Variants in CTNNA3 observed in about 807,000 individuals in gnomAD.
The protein encoded by CTNNA3 is catenin alpha 3, also known as catenin alpha-3.
Under a neutral mutation model 95.7 loss-of-function variants are expected in CTNNA3, and 76 were observed. The ratio of observed to expected loss-of-function variants is 0.79; its 90% CI spans 0.66 to 0.96. The LOEUF is 0.96. Ranked by LOEUF, CTNNA3 falls within the 40% of genes least tolerant of loss-of-function variation. The probability of loss-of-function intolerance (pLI) is 0.00; values close to 1 mark genes in which losing one functional copy is unlikely to be tolerated. For synonymous variants in CTNNA3, 431 were observed against 374.4 expected, an observed-to-expected ratio of 1.15 and a Z score of -1.74; for missense variants, 1,191 against 1,089.8, an observed-to-expected ratio of 1.09 and a Z score of -1.31.
At chr10:67,757,977 C>T (rs992079280) in intron 1 of CTNNA3, among the ~76,000 whole-genome samples, 1 of 152,094 alleles carries the variant, frequency 6.6e-6, no homozygotes, top group Non-Finnish European at 1.5e-5. Flanking sequence ...TAAACATCTG[C>T]ATCAGTAGAC....
intron 5 of CTNNA3, among the ~76,000 whole-genome samples, chr10:67,301,643 A>G (rs947208063): frequency 6.6e-6 from 1 of 152,176 alleles, no homozygotes; most frequent in Non-Finnish European, 1.5e-5. Flanking sequence ...TGGTATATAT[A>G]TATATAAGGA....
intron 7 of CTNNA3, among the ~76,000 whole-genome samples, chr10:67,079,277 A>G (rs778313982): frequency 5.3e-4 from 81 of 152,320 alleles, no homozygotes; most frequent in Middle Eastern, 3.4e-3. Context: ...GAATTTAAGA[A>G]ACTATCATAA....
At chr10:67,487,020 A>G (rs1336582094) in intron 5 of CTNNA3, among the ~76,000 whole-genome samples, 2 of 152,146 alleles carry the variant, frequency 1.3e-5, no homozygotes, top group Admixed American at 6.6e-5. Flanking sequence ...CCAAATGATT[A>G]CCTGGCACCC....
chr10:66,150,185 G>C (rs1266581949), intron 13 of CTNNA3, among the ~76,000 whole-genome samples: 2 of 152,160 alleles, frequency 1.3e-5, no homozygotes, highest in African/African-American at 4.8e-5. Context: ...ATATTTCCTG[G>C]TCTGTTCTCG....
chr10:67,089,057 G>A (rs1453520410), intron 7 of CTNNA3, among the ~76,000 whole-genome samples: 1 of 151,970 alleles, frequency 6.6e-6, no homozygotes, highest in African/African-American at 2.4e-5. Context: ...GAGGATGTGT[G>A]TGGATTAAAT....
chr10:66,870,558 C>T (rs372165975), intron 7 of CTNNA3, among the ~76,000 whole-genome samples: 1 of 152,148 alleles, frequency 6.6e-6, no homozygotes, highest in African/African-American at 2.4e-5. Flanking sequence ...ATGCTGTGAA[C>T]AAATTTCATA....
At chr10:66,567,763 C>T (rs1842757604) in intron 10 of CTNNA3, among the ~76,000 whole-genome samples, 1 of 152,144 alleles carries the variant, frequency 6.6e-6, no homozygotes, top group Admixed American at 6.6e-5. Context: ...AGGTCATTGC[C>T]ACTCAACCAT....
intron 7 of CTNNA3, among the ~76,000 whole-genome samples, chr10:66,789,140 CTATT>C (rs771396817): frequency 6.6e-6 from 1 of 151,456 alleles, no homozygotes. Flanking sequence ...TATTTTTGCT[CTATT>C]TATCTGCTTA....
chr10:67,599,957 A>G (rs1209323061), intron 3 of CTNNA3, among the ~76,000 whole-genome samples: 1 of 152,160 alleles, frequency 6.6e-6, no homozygotes, highest in African/African-American at 2.4e-5. Flanking sequence ...TATGAGGTAC[A>G]GTAATTAGGA....
chr10:67,502,490 C>T (rs769462693), intron 5 of CTNNA3, among the ~76,000 whole-genome samples: 3 of 152,218 alleles, frequency 2.0e-5, no homozygotes, highest in African/African-American at 2.4e-5. Flanking sequence ...TAGCAGAGCT[C>T]GAGCGCTGTG....
intron 5 of CTNNA3, among the ~76,000 whole-genome samples, chr10:67,248,605 G>C (rs564203483): frequency 2.1e-4 from 32 of 151,758 alleles, no homozygotes; most frequent in Non-Finnish European, 4.3e-4. Flanking sequence ...TTTTTATTTT[G>C]GTAGAGAGAC....
chr10:67,577,722 G>GTA (rs947913686), intron 3 of CTNNA3, among the ~76,000 whole-genome samples: 27 of 146,782 alleles, frequency 1.8e-4, no homozygotes, highest in Middle Eastern at 3.4e-3. Context: ...GTGTGTGTGT[G>GTA]TATATATACT....
chr10:67,123,553 T>A (rs530005653), intron 7 of CTNNA3, among the ~76,000 whole-genome samples: 1 of 151,784 alleles, frequency 6.6e-6, no homozygotes, highest in South Asian at 2.1e-4. Flanking sequence ...GCCAGATATC[T>A]GAACACATTT....
At chr10:66,971,497 T>C (rs1849723255) in intron 7 of CTNNA3, among the ~76,000 whole-genome samples, 1 of 152,150 alleles carries the variant, frequency 6.6e-6, no homozygotes, top group African/African-American at 2.4e-5. Context: ...TAAATCCCAA[T>C]TGTACTCTTT....
At chr10:66,557,151 C>A (rs527470965) in intron 10 of CTNNA3, among the ~76,000 whole-genome samples, 3 of 152,066 alleles carry the variant, frequency 2.0e-5, no homozygotes, top group Admixed American at 2.0e-4. Context: ...CATACATTCT[C>A]TATTTTTTGT....
At chr10:66,648,348 G>A (rs1845779295) in intron 9 of CTNNA3, among the ~76,000 whole-genome samples, 1 of 152,128 alleles carries the variant, frequency 6.6e-6, no homozygotes, top group Non-Finnish European at 1.5e-5. Context: ...CATGGTGAAT[G>A]AGTGTTTTTA....
Position 67,440,455 on chromosome 10 carries a change from C to T in CTNNA3, c.579+81387G>A, listed in dbSNP as rs527455342. Among the ~76,000 whole-genome samples the T allele has an allele frequency of 4.7e-4, 72 of 152,226 alleles. 1 individual carries two copies. The South Asian group carries it at 0.013, about 28-fold the overall frequency. On this transcript the variant is annotated intron_variant, in intron 5 of 17. Coordinates refer to ENST00000433211, the MANE Select transcript of CTNNA3 (RefSeq NM_013266.4). ...GAAGGACATAAACCTAGCTGGCTTC[C>T]GAACCTACTGATTGTAGAACCCTAG...
At chr10:66,965,293 T>G (rs1849339274) in intron 7 of CTNNA3, among the ~76,000 whole-genome samples, 1 of 152,044 alleles carries the variant, frequency 6.6e-6, no homozygotes, top group African/African-American at 2.4e-5. Context: ...TCTCAACACT[T>G]TGGGAGGCTA....
chr10:67,692,756 A>AAAAAG (rs1198087896), intron 1 of CTNNA3, among the ~76,000 whole-genome samples: 4 of 150,724 alleles, frequency 2.7e-5, no homozygotes, highest in African/African-American at 9.7e-5. Flanking sequence ...AAAAAAAAAA[A>AAAAAG]AAGTCTTGCT....
Sources: allele counts gnomAD v4.1 joint callset (sites outside exome capture counted in the v4.1 genomes callset), GRCh38; gene constraint gnomAD v4.1.1; transcripts MANE v1.5; gene names NCBI Gene and HGNC (gene_info 2026-07-23, HGNC 2026-07-21).